PIK3R3: variants seen among roughly 807,000 people sequenced by gnomAD.
PIK3R3 encodes phosphoinositide-3-kinase regulatory subunit 3.
A neutral mutation model predicts 62.9 loss-of-function variants in PIK3R3; 64 were observed. The ratio of observed to expected loss-of-function variants is 1.02; its 90% CI spans 0.83 to 1.25. The LOEUF (loss-of-function observed/expected upper bound fraction) is 1.25. Among genes scored for constraint, PIK3R3 ranks in the 50% most tolerant of loss-of-function variants. PIK3R3 has a pLI of 0.00. For missense variants in PIK3R3, 614 were observed against 561.6 expected, an observed-to-expected ratio of 1.09 and a Z score of -0.94; for synonymous variants, 165 against 189.0, an observed-to-expected ratio of 0.87 and a Z score of 1.04.
In PIK3R3 at chr1:46,066,065, T is replaced by C. The variant is rs1253461293; in HGVS notation, c.610A>G (p.Arg204Gly). ...EYDRLYEEYT[R>G]TSQEIQMKRT... is the part of the protein sequence containing the mutation. ...CATAATATACCAACCTGGGATGTTCTAGTATATTCTTCATACAGCCTATCA... is the reference window on the plus strand; with the variant it reads ...CATAATATACCAACCTGGGATGTTCCAGTATATTCTTCATACAGCCTATCA... Residue 204 changes from arginine (R) to glycine (G), a missense_variant, in exon 5 of 10, where the codon AGA becomes GGA. Arg to Gly is a moderately radical substitution (Grantham distance 125). Transcript: ENST00000262741. The C allele has an allele frequency of 1.2e-6, 2 of 1,608,488 alleles. No individual in the cohort carries two copies. The highest frequency in any genetic ancestry group is 1.7e-5 in the Admixed American group (1 of 60,002).
At chr1:46,063,021 G>C (rs951254378) in intron 5 of PIK3R3, among the ~76,000 whole-genome samples, 5 of 152,308 alleles carry the variant, frequency 3.3e-5, no homozygotes, top group Non-Finnish European at 7.4e-5. Context: ...TGGTGATAGA[G>C]ATTTGTGAAA....
chr1:46,045,490 T>C (rs1304029672), intron 9 of PIK3R3, among the ~76,000 whole-genome samples: 1 of 152,080 alleles, frequency 6.6e-6, no homozygotes, highest in Non-Finnish European at 1.5e-5. Flanking sequence ...AACAGAATAA[T>C]ATGTAATTTA....
chr1:46,135,797 T>C (rs1655908448), upstream of PIK3R3, among the ~76,000 whole-genome samples: 1 of 151,960 alleles, frequency 6.6e-6, no homozygotes, highest in African/African-American at 2.4e-5. Flanking sequence ...TTTGGGAGGC[T>C]GAGGTGGGCA....
the PIK3R3 span, among the ~76,000 whole-genome samples, chr1:46,168,877 C>T: frequency 6.6e-6 from 1 of 152,096 alleles, no homozygotes; most frequent in Admixed American, 6.6e-5. Flanking sequence ...TCTCCAGGAA[C>T]AGTGGCATAG....
the PIK3R3 span, among the ~76,000 whole-genome samples, chr1:46,174,081 G>A: frequency 8.7e-4 from 133 of 152,262 alleles, no homozygotes; most frequent in African/African-American, 3.1e-3. Context: ...AGAGGCATGC[G>A]TATGTGTTGT....
At chr1:46,063,119 G>GCAAC (rs1648669639) in intron 5 of PIK3R3, among the ~76,000 whole-genome samples, 1 of 152,198 alleles carries the variant, frequency 6.6e-6, no homozygotes, top group South Asian at 2.1e-4. Flanking sequence ...CATGGAAGAG[G>GCAAC]CAACCAGTTA....
At chr1:46,048,361 T>C (rs184165952) in intron 7 of PIK3R3, 3 of 152,330 alleles carry the variant, frequency 2.0e-5, no homozygotes, top group Admixed American at 1.3e-4. Context: ...TCAGTAAGAA[T>C]TGCCCTTTAG....
At chr1:46,075,125 C>G (rs574270242) in intron 3 of PIK3R3, among the ~76,000 whole-genome samples, 101 of 152,276 alleles carry the variant, frequency 6.6e-4, no homozygotes, top group African/African-American at 2.3e-3. Context: ...TGCCAAGTTC[C>G]TTGCCTCTTA....
chr1:46,087,821 T>C (rs1018634721), intron 1 of PIK3R3, among the ~76,000 whole-genome samples: 1 of 152,082 alleles, frequency 6.6e-6, no homozygotes, highest in African/African-American at 2.4e-5. Flanking sequence ...TGGATGAACA[T>C]TGAAAATATT....
rs773840794 is a variant in PIK3R3 at position 46,043,819 on chromosome 1, C to T, written c.1240G>A (p.Gly414Ser). The T allele has an allele frequency of 3.1e-6, 5 of 1,614,058 alleles. No individual in the cohort carries two copies. Among genetic ancestry groups the T allele is most frequent in the Non-Finnish European group, 4.2e-6 (5 of 1,180,022 alleles). ...TACAGGTTGTAGGGCTCTGCAAAGC[C>T]ATAGCCCCGAGCAGTGCTGTAGATC... ...CVIYSTARGY[G>S]FAEPYNLYSS... Residue 414 changes from glycine (G) to serine (S), a missense_variant, in exon 10 of 10, where the codon GGC becomes AGC. Gly to Ser is a moderately conservative substitution (Grantham distance 56). Coordinates refer to ENST00000262741, the MANE Select transcript of PIK3R3 (RefSeq NM_003629.4).
intron 1 of PIK3R3, among the ~76,000 whole-genome samples, chr1:46,120,260 T>C (rs1047034425): frequency 4.6e-5 from 7 of 152,208 alleles, no homozygotes; most frequent in African/African-American, 1.7e-4. Context: ...CAATACTATG[T>C]GACCCTATGA....
chr1:46,073,095 A>C (rs2149404257), intron 3 of PIK3R3, among the ~76,000 whole-genome samples: 1 of 152,264 alleles, frequency 6.6e-6, no homozygotes, highest in East Asian at 1.9e-4. Flanking sequence ...GTAGGCCAAG[A>C]CAGACTAGGT....
At chr1:46,048,934 C>T (rs997733621) in intron 7 of PIK3R3, among the ~76,000 whole-genome samples, 7 of 152,030 alleles carry the variant, frequency 4.6e-5, no homozygotes, top group Non-Finnish European at 1.0e-4. Context: ...TTAGTAAATA[C>T]GTTAATTCAC....
intron 1 of PIK3R3, among the ~76,000 whole-genome samples, chr1:46,099,495 A>G (rs1557608402): frequency 6.6e-6 from 1 of 152,106 alleles, no homozygotes; most frequent in Non-Finnish European, 1.5e-5. Context: ...CATATTTTGT[A>G]TCTTTATGAA....
chr1:46,081,530 T>C (rs1650591421), intron 1 of PIK3R3, among the ~76,000 whole-genome samples: 1 of 152,158 alleles, frequency 6.6e-6, no homozygotes, highest in Non-Finnish European at 1.5e-5. Context: ...GTGATCCTTA[T>C]GAAAATCTAA....
chr1:46,095,912 A>G lies in PIK3R3; in HGVS notation c.107-15162T>C, dbSNP rs115622434. Among the ~76,000 whole-genome samples, 635 of 152,328 alleles carry G rather than the reference A, an allele frequency of 4.2e-3. 3 individuals carry two copies. The highest frequency in any genetic ancestry group is 0.014 in the African/African-American group (585 of 41,582). On this transcript the variant is annotated intron_variant, in intron 1 of 9. Transcript: ENST00000262741. ...ACTTCCCAAAATGCTGTTGATATTA[A>G]TAATAAATTTCCTCCTGATAGCAAT...
intron 1 of PIK3R3, among the ~76,000 whole-genome samples, chr1:46,129,206 A>G (rs773093659): frequency 6.6e-6 from 1 of 152,194 alleles, no homozygotes; most frequent in Admixed American, 6.5e-5. Context: ...ACACATACAT[A>G]TAAGATTTCA....
At chr1:46,086,515 C>T (rs1651069444) in intron 1 of PIK3R3, among the ~76,000 whole-genome samples, 1 of 152,032 alleles carries the variant, frequency 6.6e-6, no homozygotes, top group Admixed American at 6.6e-5. Flanking sequence ...GCCTGGCCAA[C>T]ACGGTGAAAC....
intron 1 of PIK3R3, among the ~76,000 whole-genome samples, chr1:46,092,514 C>T (rs921754612): frequency 2.0e-5 from 3 of 152,142 alleles, no homozygotes; most frequent in South Asian, 2.1e-4. Flanking sequence ...CAGGCACGTG[C>T]CACCACGCCC....
Sources: allele counts gnomAD v4.1 joint callset (sites outside exome capture counted in the v4.1 genomes callset), GRCh38; gene constraint gnomAD v4.1.1; transcripts MANE v1.5; gene names NCBI Gene and HGNC (gene_info 2026-07-23, HGNC 2026-07-21).